Variants in USP54 observed in about 807,000 individuals in gnomAD.
The protein encoded by USP54 is ubiquitin specific peptidase 54.
In USP54, 87 loss-of-function variants were observed where a neutral mutation model predicts 170.5. The observed-to-expected ratio is 0.51, with a 90% CI of 0.43 to 0.61. USP54 has a LOEUF of 0.61. Among genes scored for constraint, USP54 ranks in the 20% least tolerant of loss-of-function variants. USP54 has a pLI of 0.00. For synonymous variants in USP54, 655 were observed against 742.8 expected, an observed-to-expected ratio of 0.88 and a Z score of 1.92; for missense variants, 1,786 against 2,047.8, an observed-to-expected ratio of 0.87 and a Z score of 2.47.
rs754360960 is a variant in USP54, at chr10:73,529,772, C to T, written c.1968G>A (p.Gln656=). ...TGCTTTCATAGCCAGATTCCATTCG[C>T]TGGATTAGTCGGGGGTGCTGCTCTA... ...HLLEQHPRLI[Q]RMESGYESSE... Residue 656 remains glutamine (Q), a synonymous_variant, in exon 15 of 24, where the codon CAG becomes CAA. Coordinates refer to ENST00000687698, the MANE Select transcript of USP54 (RefSeq NM_001391956.1). 5.6e-6 allele frequency: 9 copies of T among 1,613,992 alleles called. No individual in the cohort carries two copies. In the South Asian group the frequency reaches 9.9e-5, roughly 18 times the overall value.
intron 4 of USP54, among the ~76,000 whole-genome samples, chr10:73,568,276 G>A (rs1179414145): frequency 6.6e-6 from 1 of 152,122 alleles, no homozygotes; most frequent in Non-Finnish European, 1.5e-5. Flanking sequence ...AGGTGCTGAT[G>A]GCTCATTTCA....
At chr10:73,555,734 A>T (rs1425784561) in intron 4 of USP54, among the ~76,000 whole-genome samples, 1 of 152,150 alleles carries the variant, frequency 6.6e-6, no homozygotes, top group Non-Finnish European at 1.5e-5. Context: ...ATAACCACTT[A>T]CCCCACAGGA....
chr10:73,505,560 A>C (rs1460151283), intron 20 of USP54, 134 bp from the exon 21 acceptor site: 6 of 706,560 alleles, frequency 8.5e-6, no homozygotes, highest in Non-Finnish European at 1.1e-5. Flanking sequence ...CAACGGAGGA[A>C]CATGCTCCTG....
chr10:73,540,856 T>G (rs1431175982), intron 9 of USP54, among the ~76,000 whole-genome samples: 4 of 152,178 alleles, frequency 2.6e-5, no homozygotes, highest in Admixed American at 6.5e-5. Context: ...CATGGCTTAA[T>G]GACATTAAAA....
chr10:73,556,528 T>C (rs531306262), intron 4 of USP54, among the ~76,000 whole-genome samples: 26 of 151,848 alleles, frequency 1.7e-4, no homozygotes, highest in Middle Eastern at 3.4e-3. Context: ...GTATTTTTAG[T>C]AGAGACAGGG....
At chr10:73,589,741 T>G (rs2078001139) in intron 1 of USP54, among the ~76,000 whole-genome samples, 1 of 152,104 alleles carries the variant, frequency 6.6e-6, no homozygotes, top group African/African-American at 2.4e-5. Flanking sequence ...TGGTACTGAA[T>G]GGCACAAGCA....
At chr10:73,509,793 A>C (rs554640989) in intron 20 of USP54, among the ~76,000 whole-genome samples, 3 of 151,428 alleles carry the variant, frequency 2.0e-5, no homozygotes, top group South Asian at 2.1e-4. Context: ...AAACTACTTG[A>C]GCTCAGGAGG....
chr10:73,622,566 C>T (rs932890704), intron 1 of USP54, among the ~76,000 whole-genome samples: 8 of 152,044 alleles, frequency 5.3e-5, no homozygotes, highest in African/African-American at 1.7e-4. Flanking sequence ...TCAACTGATC[C>T]GCCCACCTCA....
intron 17 of USP54, among the ~76,000 whole-genome samples, chr10:73,521,520 T>C (rs1354605168): frequency 6.6e-6 from 1 of 152,228 alleles, no homozygotes; most frequent in Non-Finnish European, 1.5e-5. Context: ...CATTATTCTG[T>C]GGACAGCCAT....
At chr10:73,619,532 CAAA>C (rs536966553) in intron 1 of USP54, among the ~76,000 whole-genome samples, 5 of 97,602 alleles carry the variant, frequency 5.1e-5, no homozygotes, top group Admixed American at 2.2e-4. Context: ...GACTCCATCT[CAAA>C]AAAAAAAAAA....
At chr10:73,503,758 A>C (rs1278396803) in intron 22 of USP54, among the ~76,000 whole-genome samples, 1 of 152,160 alleles carries the variant, frequency 6.6e-6, no homozygotes, top group Non-Finnish European at 1.5e-5. Context: ...TTTGAGACAG[A>C]GTCTTGCTCT....
chr10:73,533,089 G>A (rs1275092124), intron 12 of USP54, among the ~76,000 whole-genome samples: 2 of 152,232 alleles, frequency 1.3e-5, no homozygotes, highest in South Asian at 2.1e-4. Context: ...GGTGGATCAC[G>A]AGGTCAGGAG....
At chr10:73,598,642 C>T (rs1422000946) in intron 1 of USP54, among the ~76,000 whole-genome samples, 2 of 151,600 alleles carry the variant, frequency 1.3e-5, no homozygotes, top group Non-Finnish European at 2.9e-5. Flanking sequence ...TCAGGCACAG[C>T]GGCTCACACC....
intron 5 of USP54, 115 bp downstream of exon 5, chr10:73,545,423 A>G: frequency 7.5e-7 from 1 of 1,335,012 alleles, no homozygotes; most frequent in Non-Finnish European, 1.0e-6. Context: ...GAAAACTCCT[A>G]GTTCTAACTG....
At chr10:73,520,088 T>TAA (rs1168663712) in intron 18 of USP54, 96 bp from the exon 19 acceptor site, 5 of 1,495,224 alleles carry the variant, frequency 3.3e-6, no homozygotes, top group Admixed American at 4.1e-5. Context: ...AGATATGCAG[T>TAA]AAAACTCAAA....
chr10:73,623,255 A>C (rs1403664139), intron 1 of USP54, among the ~76,000 whole-genome samples: 2 of 152,036 alleles, frequency 1.3e-5, no homozygotes, highest in Non-Finnish European at 2.9e-5. Flanking sequence ...GCGTGGTTGC[A>C]TGCACCTGTG....
chr10:73,542,999 A>C lies in USP54; in HGVS notation c.489+19T>G. The C allele has an allele frequency of 6.2e-7, 1 of 1,611,564 alleles. No homozygotes were observed. Among genetic ancestry groups the C allele is most frequent in the Middle Eastern group, 1.7e-4 (1 of 6,060 alleles). The stretch of plus-strand genomic sequence containing the variant: ...TGTTCTGGAAGAAATGTCTAAAAAA[A>C]GATGGAGCTAGAGTTCACCTGCTCA... On this transcript the variant is annotated intron_variant, in intron 6 of 23. Transcript: ENST00000687698.
intron 1 of USP54, among the ~76,000 whole-genome samples, chr10:73,609,941 C>T (rs1387796014): frequency 4.7e-5 from 7 of 150,144 alleles, no homozygotes; most frequent in African/African-American, 1.7e-4. Context: ...ACCTGGGAGG[C>T]GGAGGTTGCA....
At chr10:73,555,095 C>T (rs988191892) in intron 4 of USP54, among the ~76,000 whole-genome samples, 3 of 152,134 alleles carry the variant, frequency 2.0e-5, no homozygotes, top group African/African-American at 7.2e-5. Context: ...AGAGCAAGAC[C>T]CTGTCTCAAT....
Sources: gnomAD v4.1 joint callset for allele counts (sites outside exome capture counted in the v4.1 genomes callset) on GRCh38, gnomAD v4.1.1 for gene constraint, MANE v1.5 for transcripts, NCBI Gene and HGNC (gene_info 2026-07-23, HGNC 2026-07-21) for gene names.